PLA2G4A: variants seen among roughly 807,000 people sequenced by gnomAD.
The protein encoded by PLA2G4A is cytosolic phospholipase A2.
PLA2G4A carries 40 observed loss-of-function variants against 81.9 expected under a neutral mutation model. That is an observed-to-expected ratio of 0.49 (90% confidence interval 0.38 to 0.64). The LOEUF (loss-of-function observed/expected upper bound fraction) is 0.64, where lower values mean the gene tolerates loss of function less well. Among genes scored for constraint, PLA2G4A ranks in the 30% least tolerant of loss-of-function variants. The pLI, the probability that PLA2G4A is intolerant of heterozygous loss-of-function variation, is 0.00. For synonymous variants in PLA2G4A, 302 were observed against 296.9 expected, an observed-to-expected ratio of 1.02 and a Z score of -0.18; for missense variants, 715 against 905.1, an observed-to-expected ratio of 0.79 and a Z score of 2.69.
Position 186,988,493 on chromosome 1 carries a change from T to A in PLA2G4A, c.2235T>A (p.Ser745Arg), listed in dbSNP as rs754647427. ...GATTTTTCAACAAGGAGTTTCTAAG[T>A]AAACCCAAAGCATAGTTCATGTACT... is the stretch of plus-strand genomic sequence containing the variant. ...ARRFFNKEFL[S>R]KPKA is the part of the protein sequence containing the mutation. The change falls in exon 18 of 18, where the codon AGT becomes AGA. Residue 745 changes from serine (S) to arginine (R), a missense_variant. Physicochemically the swap from Ser to Arg is moderately radical, Grantham distance 110 (BLOSUM62 -1). Coordinates refer to ENST00000367466, the MANE Select transcript of PLA2G4A (RefSeq NM_024420.3). 1 of 1,612,164 alleles carries A rather than the reference T, an allele frequency of 6.2e-7. No homozygotes were observed. The highest frequency in any genetic ancestry group is 1.1e-5 in the South Asian group (1 of 91,010).
At chr1:186,911,847 A>G (rs896126449) in intron 7 of PLA2G4A, among the ~76,000 whole-genome samples, 15 of 152,156 alleles carry the variant, frequency 9.9e-5, no homozygotes, top group Non-Finnish European at 7.4e-5. Context: ...CTGAAGAACC[A>G]GGAAAGCCCG....
intron 14 of PLA2G4A, among the ~76,000 whole-genome samples, chr1:186,963,296 A>G (rs1226197796): frequency 6.6e-6 from 1 of 152,234 alleles, no homozygotes; most frequent in Non-Finnish European, 1.5e-5. Flanking sequence ...TAAATATTAA[A>G]ATTGGGCTCG....
chr1:186,932,846 A>T lies in PLA2G4A; in HGVS notation c.642A>T (p.Glu214Asp), dbSNP rs753365709. 1.9e-6 allele frequency: 3 copies of T among 1,613,064 alleles called. No homozygotes were observed. The highest frequency in any genetic ancestry group is 4.5e-5 in the East Asian group (2 of 44,870). ...CTGGTGTGATGAAGGCATTATACGA[A>T]TCAGGAATTCTGGATTGTGCTACCT... is the stretch of plus-strand genomic sequence containing the variant. ...GFSGVMKALY[E>D]SGILDCATYV... is the part of the protein sequence containing the mutation. The change falls in exon 8 of 18, where the codon GAA (glutamate) becomes GAT (aspartate). Residue 214 changes from glutamate to aspartate, a missense_variant. Physicochemically the swap from Glu to Asp is conservative, Grantham distance 45. Coordinates refer to ENST00000367466, the MANE Select transcript of PLA2G4A (RefSeq NM_024420.3).
At chr1:186,830,975 T>C (rs1372781503) in intron 1 of PLA2G4A, among the ~76,000 whole-genome samples, 1 of 131,576 alleles carries the variant, frequency 7.6e-6, no homozygotes, top group Non-Finnish European at 1.7e-5. Flanking sequence ...TCTTTCTTTC[T>C]TTCTTTCTTT....
intron 3 of PLA2G4A, among the ~76,000 whole-genome samples, chr1:186,887,578 C>T (rs1444990191): frequency 1.3e-5 from 2 of 151,940 alleles, no homozygotes; most frequent in African/African-American, 4.8e-5. Context: ...GGGTTTTTGC[C>T]CACATATTAC....
At chr1:186,935,354 G>A (rs991906816) in intron 8 of PLA2G4A, among the ~76,000 whole-genome samples, 1 of 151,086 alleles carries the variant, frequency 6.6e-6, no homozygotes, top group Non-Finnish European at 1.5e-5. Flanking sequence ...GGAAAGGGAA[G>A]GAAGGAGCTC....
chr1:186,869,500 T>C (rs1208464605), intron 2 of PLA2G4A, among the ~76,000 whole-genome samples: 2 of 152,172 alleles, frequency 1.3e-5, no homozygotes, highest in Non-Finnish European at 2.9e-5. Flanking sequence ...GCTGTCTAAT[T>C]TTTGTCCATA....
chr1:186,882,597 C>A (rs372066984), intron 3 of PLA2G4A, among the ~76,000 whole-genome samples: 13 of 151,926 alleles, frequency 8.6e-5, no homozygotes, highest in African/African-American at 1.7e-4. Flanking sequence ...AGAGGGAGAA[C>A]CTTGGGTTTG....
At chr1:186,865,048 T>C (rs1048684522) in intron 2 of PLA2G4A, among the ~76,000 whole-genome samples, 1 of 150,538 alleles carries the variant, frequency 6.6e-6, no homozygotes, top group African/African-American at 2.4e-5. Flanking sequence ...GCCTGGGTGA[T>C]AGAATGAGAC....
chr1:186,932,013 A>G (rs916587524), intron 7 of PLA2G4A, among the ~76,000 whole-genome samples: 1 of 152,172 alleles, frequency 6.6e-6, no homozygotes, highest in Non-Finnish European at 1.5e-5. Context: ...TTACTCAACT[A>G]TGAATTACCA....
chr1:186,969,573 C>T (rs919992581), intron 15 of PLA2G4A, among the ~76,000 whole-genome samples: 21 of 151,858 alleles, frequency 1.4e-4, no homozygotes, highest in Non-Finnish European at 2.4e-4. Flanking sequence ...CTAGCCTTCC[C>T]AGCAGATGGT....
rs1179386402 is a variant in PLA2G4A at position 186,932,611 on chromosome 1, C to T, written c.559-152C>T. ...CCACTGCACCCGGCCTTATTTTCTT[C>T]TTTTAAAAAATTAGGCATTACTAAA... On this transcript the variant is annotated intron_variant, in intron 7 of 17. Coordinates refer to ENST00000367466, the MANE Select transcript of PLA2G4A (RefSeq NM_024420.3). 3.3e-5 allele frequency: 9 copies of T among 269,938 alleles called. 1 individual carries two copies. Among genetic ancestry groups the T allele is most frequent in the South Asian group, 1.4e-4 (4 of 28,686 alleles). 16.7% of individuals were successfully genotyped at this position (269,938 alleles called of 1,614,324 possible).
chr1:186,831,367 T>A (rs1651582529), intron 1 of PLA2G4A, among the ~76,000 whole-genome samples: 1 of 152,130 alleles, frequency 6.6e-6, no homozygotes, highest in African/African-American at 2.4e-5. Flanking sequence ...CCAAGCAACT[T>A]GGTATAATGG....
chr1:186,939,695 G>A (rs1157887570), intron 9 of PLA2G4A, among the ~76,000 whole-genome samples: 1 of 152,138 alleles, frequency 6.6e-6, no homozygotes, highest in East Asian at 1.9e-4. Flanking sequence ...CTGTGACAGG[G>A]AGTCCAGGGG....
At position 186,913,747 on chromosome 1, in the gene PLA2G4A, T is replaced by C. The variant is rs139722303; in HGVS notation, c.558+2358T>C. Among the ~76,000 whole-genome samples the C allele has an allele frequency of 9.0e-3, 1,370 of 152,328 alleles. 29 individuals are homozygous for C. The highest frequency in any genetic ancestry group is 0.031 in the African/African-American group (1,308 of 41,570). On this transcript the variant is annotated intron_variant, in intron 7 of 17. Coordinates refer to ENST00000367466, the MANE Select transcript of PLA2G4A (RefSeq NM_024420.3). ...GTTTTTCATAAAATAATTTCATAAA[T>C]AAATTAATTTCTTGGAATTCATTCT...
chr1:186,956,357 ATATAATTAG>A lies in PLA2G4A; in HGVS notation c.1579+15_1579+23del, dbSNP rs1362247359. ...GCAGCTGTAGCAGGTAAGTGTACAA[ATATAATTAG>A]TGGGAGCTAATGCAGGAGATCTTTA... On this transcript the variant is annotated intron_variant, in intron 14 of 17. Coordinates refer to ENST00000367466, the MANE Select transcript of PLA2G4A (RefSeq NM_024420.3). 6.2e-7 allele frequency: 1 copy of A among 1,611,842 alleles called. No homozygotes were observed. Among genetic ancestry groups the A allele is most frequent in the Admixed American group, 1.7e-5 (1 of 60,020 alleles).
chr1:186,968,654 A>G (rs149751967), intron 15 of PLA2G4A, among the ~76,000 whole-genome samples: 138 of 152,010 alleles, frequency 9.1e-4, no homozygotes, highest in African/African-American at 3.1e-3. Context: ...TCTATTTTCA[A>G]CTTTTAGATT....
intron 15 of PLA2G4A, among the ~76,000 whole-genome samples, chr1:186,972,158 A>T (rs1657377769): frequency 6.6e-6 from 1 of 152,166 alleles, no homozygotes; most frequent in South Asian, 2.1e-4. Flanking sequence ...TCAGTGTGAC[A>T]CTAATTTATT....
At position 186,854,297 on chromosome 1, in the gene PLA2G4A, G is replaced by C. The variant is rs565284102; in HGVS notation, c.-58G>C. 9 of 985,082 alleles carry C rather than the reference G, an allele frequency of 9.1e-6. No individual in the cohort carries two copies. The highest frequency in any genetic ancestry group is 1.7e-5 in the Admixed American group (1 of 58,696). The allele number at this position is 985,082 out of a possible 1,614,324, so 61.0% of individuals were successfully genotyped here. ...TGTTTATTTTGTAGGTTTTAAAGAC[G>C]CTAGAGTGCCAAAGAAGACTTTGAA... On this transcript the variant is annotated 5_prime_UTR_variant, in exon 2 of 18. Transcript: ENST00000367466.
Sources: allele counts gnomAD v4.1 joint callset (sites outside exome capture counted in the v4.1 genomes callset), GRCh38; gene constraint gnomAD v4.1.1; transcripts MANE v1.5; gene names NCBI Gene and HGNC (gene_info 2026-07-23, HGNC 2026-07-21).